TRDN: variants seen among roughly 807,000 people sequenced by gnomAD.
The protein encoded by TRDN is triadin in skeletal muscle.
In TRDN, 161 loss-of-function variants were observed where a neutral mutation model predicts 149.7. The ratio of observed to expected loss-of-function variants is 1.08; its 90% CI spans 0.95 to 1.23. TRDN has a LOEUF of 1.23. TRDN is among the 50% of genes most tolerant of loss of function. TRDN has a pLI of 0.00. For missense variants in TRDN, 896 were observed against 823.5 expected (o/e 1.09, Z -1.08); for synonymous variants, 294 against 250.5 (o/e 1.17, Z -1.64).
chr6:123,416,468 T>A (rs995933329), intron 12 of TRDN, among the ~76,000 whole-genome samples: 2 of 152,192 alleles, frequency 1.3e-5, no homozygotes, highest in Non-Finnish European at 1.5e-5. Context: ...ACTCCTTTCT[T>A]CATCCAAGTC....
rs139843763 is a variant in TRDN, at chr6:123,516,271, G to A, written c.485-65C>T. Reference sequence around the variant, plus strand: ...GGAATAAATGAGGAGATGTTTGCACGGCAGTCTTTGATGTCAAAATTTATC... The same window carrying A: ...GGAATAAATGAGGAGATGTTTGCACAGCAGTCTTTGATGTCAAAATTTATC... On this transcript the variant is annotated intron_variant, in intron 5 of 40. Transcript: ENST00000334268. 4.5e-4 allele frequency: 605 copies of A among 1,339,426 alleles called. 3 individuals are homozygous for A. In the Middle Eastern group the frequency reaches 5.7e-3, roughly 13 times the overall value. The allele number at this position is 1,339,426 out of a possible 1,614,324, so 83.0% of individuals were successfully genotyped here.
chr6:123,218,406 T>G lies in TRDN; in HGVS notation c.*195A>C. 5.5e-6 allele frequency: 3 copies of G among 545,822 alleles called. No individual in the cohort carries two copies. The allele number at this position is 545,822 out of a possible 1,614,324, so 33.8% of individuals were successfully genotyped here. A position where few individuals can be genotyped will look rare whatever the true frequency, so the allele number is the denominator to read the frequency against. On this transcript the variant is annotated 3_prime_UTR_variant, in exon 41 of 41. Coordinates refer to ENST00000334268, the MANE Select transcript of TRDN (RefSeq NM_006073.4). ...GCAGCAAACACACATAACAGATTCT[T>G]GAGACTTAGACCCTTAAACATGTCT...
intron 38 of TRDN, among the ~76,000 whole-genome samples, chr6:123,225,208 T>G (rs955264979): frequency 2.6e-5 from 4 of 151,580 alleles, no homozygotes; most frequent in Non-Finnish European, 5.9e-5. Context: ...GTTAGACTAG[T>G]GATTATCAAA....
At chr6:123,496,525 T>C (rs1207870634) in intron 9 of TRDN, among the ~76,000 whole-genome samples, 2 of 152,094 alleles carry the variant, frequency 1.3e-5, no homozygotes, top group Non-Finnish European at 2.9e-5. Flanking sequence ...TCTGTCAGTT[T>C]TTAAATCTGC....
chr6:123,278,187 T>A (rs1041026921), intron 26 of TRDN, 131 bp downstream of exon 26: 6 of 573,822 alleles, frequency 1.0e-5, no homozygotes, highest in Admixed American at 5.1e-5. Context: ...ATTTTGTTAG[T>A]TTTTTTTTAA....
intron 3 of TRDN, among the ~76,000 whole-genome samples, chr6:123,547,755 A>T (rs1781188629): frequency 6.6e-6 from 1 of 152,078 alleles, no homozygotes. Flanking sequence ...GGCTGAATAC[A>T]TGATTTCTGA....
At chr6:123,294,167 A>G (rs891153100) in intron 24 of TRDN, among the ~76,000 whole-genome samples, 3 of 152,180 alleles carry the variant, frequency 2.0e-5, no homozygotes, top group Non-Finnish European at 4.4e-5. Flanking sequence ...AAAACATGCT[A>G]CACATATATT....
chr6:123,278,409 T>G (rs911078650), intron 25 of TRDN, 62 bp from the exon 26 acceptor site: 1 of 996,864 alleles, frequency 1.0e-6, no homozygotes, highest in African/African-American at 1.7e-5. Flanking sequence ...TCCTATATAC[T>G]TGTGCATATT....
intron 1 of TRDN, among the ~76,000 whole-genome samples, chr6:123,590,115 C>T (rs188716672): frequency 4.7e-4 from 72 of 152,252 alleles, no homozygotes; most frequent in African/African-American, 1.5e-3. Flanking sequence ...CCCCAGGCCA[C>T]GGACCCATTA....
At chr6:123,435,448 A>T (rs1368257728) in intron 12 of TRDN, among the ~76,000 whole-genome samples, 1 of 151,964 alleles carries the variant, frequency 6.6e-6, no homozygotes, top group Non-Finnish European at 1.5e-5. Context: ...ATTAAACCCT[A>T]AAAAGAAACG....
intron 24 of TRDN, among the ~76,000 whole-genome samples, chr6:123,315,374 G>A (rs1193623037): frequency 6.6e-6 from 1 of 151,640 alleles, no homozygotes; most frequent in Non-Finnish European, 1.5e-5. Flanking sequence ...AAGAATGCAT[G>A]TTTTAAAATT....
intron 2 of TRDN, among the ~76,000 whole-genome samples, chr6:123,549,996 A>G (rs1333325128): frequency 6.6e-6 from 1 of 152,020 alleles, no homozygotes; most frequent in Non-Finnish European, 1.5e-5. Context: ...GGTTGGGAGT[A>G]GAAAAGTAGC....
intron 21 of TRDN, chr6:123,352,076 A>G: frequency 1.0e-6 from 1 of 977,784 alleles, no homozygotes; most frequent in African/African-American, 1.7e-5. Flanking sequence ...ATATATCATA[A>G]TATACTCTAT....
chr6:123,231,454 G>C (rs1039493335), intron 38 of TRDN, among the ~76,000 whole-genome samples: 3 of 151,990 alleles, frequency 2.0e-5, no homozygotes, highest in African/African-American at 7.2e-5. Flanking sequence ...AAAAGAGAAT[G>C]ATGGGATCAA....
At chr6:123,483,359 C>G (rs1777848427) in intron 9 of TRDN, among the ~76,000 whole-genome samples, 1 of 151,872 alleles carries the variant, frequency 6.6e-6, no homozygotes, top group Non-Finnish European at 1.5e-5. Context: ...GCCTTGTCTT[C>G]CCAAGGCGCT....
chr6:123,308,946 G>A (rs1201641571), intron 24 of TRDN, among the ~76,000 whole-genome samples: 1 of 151,880 alleles, frequency 6.6e-6, no homozygotes, highest in African/African-American at 2.4e-5. Context: ...CATTAGTCAT[G>A]GCTCTAAATA....
intron 10 of TRDN, among the ~76,000 whole-genome samples, chr6:123,454,682 C>T (rs1337347208): frequency 1.3e-5 from 2 of 152,204 alleles, no homozygotes; most frequent in African/African-American, 4.8e-5. Context: ...ATGAGCATTA[C>T]TGCCTGAGCT....
intron 22 of TRDN, among the ~76,000 whole-genome samples, chr6:123,333,297 G>A (rs1463700213): frequency 6.6e-6 from 1 of 151,976 alleles, no homozygotes; most frequent in Admixed American, 6.6e-5. Context: ...GGGTGAGTGT[G>A]TATGTTTGTG....
intron 19 of TRDN, 86 bp from the exon 20 acceptor site, chr6:123,366,268 A>G (rs961438432): frequency 7.6e-7 from 1 of 1,315,678 alleles, no homozygotes; most frequent in Non-Finnish European, 1.1e-6. Context: ...AAAATTAAAG[A>G]TAAAATGTAT....
Sources: gnomAD v4.1 joint callset for allele counts (sites outside exome capture counted in the v4.1 genomes callset) on GRCh38, gnomAD v4.1.1 for gene constraint, MANE v1.5 for transcripts, NCBI Gene and HGNC (gene_info 2026-07-23, HGNC 2026-07-21) for gene names.